The following THSD4 variants were observed in gnomAD, a reference collection of about 807,000 sequenced individuals.
THSD4 encodes the protein thrombospondin type-1 domain-containing protein 4.
A neutral mutation model predicts 119.0 loss-of-function variants in THSD4; 69 were observed. That is an observed-to-expected ratio of 0.58 (90% CI 0.48 to 0.71). The LOEUF (loss-of-function observed/expected upper bound fraction) is 0.71. Among genes scored for constraint, THSD4 ranks in the 30% least tolerant of loss-of-function variants. The pLI is 0.00. For missense variants in THSD4, 1,393 were observed against 1,391.1 expected (o/e 1.00, Z -0.02); for synonymous variants, 524 against 540.4 (o/e 0.97, Z 0.42).
At chr15:71,295,382 T>G (rs1251120099) in intron 6 of THSD4, among the ~76,000 whole-genome samples, 1 of 152,122 alleles carries the variant, frequency 6.6e-6, no homozygotes, top group African/African-American at 2.4e-5. Flanking sequence ...CCTTTCCTGG[T>G]TCAGTCAGGC....
At chr15:71,388,531 G>T (rs944284610) in intron 6 of THSD4, among the ~76,000 whole-genome samples, 1 of 152,050 alleles carries the variant, frequency 6.6e-6, no homozygotes, top group Non-Finnish European at 1.5e-5. Flanking sequence ...ATGAAGGGGG[G>T]AAAAATAAAA....
chr15:71,435,933 G>A (rs1252208299), intron 7 of THSD4, among the ~76,000 whole-genome samples: 1 of 152,216 alleles, frequency 6.6e-6, no homozygotes. Flanking sequence ...GAGAAAAAGA[G>A]AGTGCTGCTT....
rs117799391 is a variant in THSD4 at position 71,752,963 on chromosome 15, G to A, written c.2415+4369G>A. Among the ~76,000 whole-genome samples the A allele has an allele frequency of 2.1e-3, 314 of 152,298 alleles. 1 individual carries two copies. The highest frequency in any genetic ancestry group is 3.1e-3 in the Non-Finnish European group (211 of 68,040). ...ATTTTTTATTACTGGGAATAAACAC[G>A]TGTTGAGCACCTGTTACATGCCAGT... On this transcript the variant is annotated intron_variant, in intron 14 of 17. Coordinates refer to ENST00000261862, the MANE Select transcript of THSD4 (RefSeq NM_024817.3).
chr15:71,287,526 A>G (rs2044732917), intron 6 of THSD4, among the ~76,000 whole-genome samples: 2 of 152,174 alleles, frequency 1.3e-5, no homozygotes, highest in African/African-American at 4.8e-5. Flanking sequence ...TCCAGACACT[A>G]CCCGCAAAAA....
At chr15:71,643,676 A>G (rs1282883745) in intron 7 of THSD4, among the ~76,000 whole-genome samples, 4 of 152,250 alleles carry the variant, frequency 2.6e-5, no homozygotes, top group Non-Finnish European at 5.9e-5. Context: ...TAATTAAAAC[A>G]TTAACATCTA....
intron 7 of THSD4, among the ~76,000 whole-genome samples, chr15:71,632,135 T>G (rs1266789572): frequency 6.6e-6 from 1 of 152,252 alleles, no homozygotes; most frequent in Non-Finnish European, 1.5e-5. Flanking sequence ...TGCTCACTAA[T>G]TATTAACTAC....
chr15:71,413,121 C>G (rs1566974549), intron 7 of THSD4, among the ~76,000 whole-genome samples: 1 of 152,174 alleles, frequency 6.6e-6, no homozygotes, highest in Non-Finnish European at 1.5e-5. Flanking sequence ...AAGGGATTCT[C>G]CTGCCTCAAC....
chr15:71,778,685 A>C lies in THSD4; in HGVS notation c.*1311A>C. 2 of 127,186 alleles carry C rather than the reference A, an allele frequency of 1.6e-5. No individual in the cohort carries two copies. The highest frequency in any genetic ancestry group is 3.0e-5 in the African/African-American group (1 of 33,804). 7.9% of individuals were successfully genotyped at this position (127,186 alleles called of 1,614,324 possible). A position where few individuals can be genotyped will look rare whatever the true frequency, so the allele number is the denominator to read the frequency against. ...CCACAAATTCCTCCCCTCCCCCATGACTCACAGTCCATATGGCCCACCCCC... is the reference window on the plus strand; with the variant it reads ...CCACAAATTCCTCCCCTCCCCCATGCCTCACAGTCCATATGGCCCACCCCC... On this transcript the variant is annotated 3_prime_UTR_variant, in exon 18 of 18. Transcript: ENST00000261862.
chr15:71,611,075 G>C (rs910623496), intron 7 of THSD4, among the ~76,000 whole-genome samples: 1 of 152,196 alleles, frequency 6.6e-6, no homozygotes, highest in Non-Finnish European at 1.5e-5. Context: ...TTTTTAAAGT[G>C]TTTTTAGACG....
chr15:71,387,392 A>T (rs186039591), intron 6 of THSD4, among the ~76,000 whole-genome samples: 1 of 152,338 alleles, frequency 6.6e-6, no homozygotes, highest in Admixed American at 6.5e-5. Flanking sequence ...GTAGACAGAC[A>T]ACGTGCCTTG....
chr15:71,396,597 T>C (rs534632902), intron 6 of THSD4, among the ~76,000 whole-genome samples: 12 of 152,322 alleles, frequency 7.9e-5, no homozygotes, highest in African/African-American at 2.9e-4. Flanking sequence ...TTAACACATA[T>C]ATCCGCTCAG....
At chr15:71,320,415 T>A (rs1267892231) in intron 6 of THSD4, among the ~76,000 whole-genome samples, 1 of 152,224 alleles carries the variant, frequency 6.6e-6, no homozygotes, top group Admixed American at 6.5e-5. Context: ...TCCATTTTCC[T>A]TTTTTGATGA....
chr15:71,655,317 T>C (rs188961589), intron 7 of THSD4, among the ~76,000 whole-genome samples: 1 of 152,330 alleles, frequency 6.6e-6, no homozygotes, highest in Non-Finnish European at 1.5e-5. Context: ...CTTGACTTTA[T>C]GGTGAACCTT....
intron 7 of THSD4, among the ~76,000 whole-genome samples, chr15:71,495,924 A>G (rs1335666034): frequency 6.6e-6 from 1 of 152,200 alleles, no homozygotes; most frequent in Non-Finnish European, 1.5e-5. Flanking sequence ...AGGCTTTGGC[A>G]GCGTTCAGGA....
intron 7 of THSD4, among the ~76,000 whole-genome samples, chr15:71,504,164 T>C (rs2048155711): frequency 6.6e-6 from 1 of 152,162 alleles, no homozygotes; most frequent in Non-Finnish European, 1.5e-5. Context: ...TTTGTGATGA[T>C]CAAGTCATGC....
chr15:71,584,240 C>T (rs551772656), intron 7 of THSD4, among the ~76,000 whole-genome samples: 2 of 123,282 alleles, frequency 1.6e-5, no homozygotes, highest in South Asian at 5.3e-4. Context: ...TTACCATTCA[C>T]GTGGATTTTT....
rs112257356 is a variant in THSD4 at position 71,738,401 on chromosome 15, C to T, written c.1906+394C>T. Among the ~76,000 whole-genome samples the T allele has an allele frequency of 1.7e-3, 255 of 152,242 alleles. 1 individual carries two copies. The highest frequency in any genetic ancestry group is 5.7e-3 in the African/African-American group (238 of 41,548). On this transcript the variant is annotated intron_variant, in intron 11 of 17. Coordinates refer to ENST00000261862, the MANE Select transcript of THSD4 (RefSeq NM_024817.3). ...TGGCCCAAGGGAAATGGCAAACCCT[C>T]ACCTCTGTGAGCCTGTCTATGAGAT...
intron 14 of THSD4, 118 bp downstream of exon 14, chr15:71,748,712 A>G (rs914168166): frequency 2.2e-5 from 29 of 1,289,260 alleles, no homozygotes; most frequent in East Asian, 1.8e-4. Context: ...CTGGGGGGAA[A>G]AAAAAGGCCC....
intron 3 of THSD4, chr15:71,164,921 C>T (rs2043280738): frequency 6.4e-7 from 1 of 1,570,924 alleles, no homozygotes; most frequent in Non-Finnish European, 8.6e-7. Context: ...ATCAGGCTTT[C>T]CTTTAGCTCG....
Sources: allele counts gnomAD v4.1 joint callset (sites outside exome capture counted in the v4.1 genomes callset), GRCh38; gene constraint gnomAD v4.1.1; transcripts MANE v1.5; gene names NCBI Gene and HGNC (gene_info 2026-07-23, HGNC 2026-07-21).